The following PCDHGA2 variants were observed in gnomAD, a reference collection of about 807,000 sequenced individuals.
PCDHGA2 encodes the protein protocadherin gamma subfamily A, 2, also known as protocadherin gamma-A2.
In PCDHGA2, 40 loss-of-function variants were observed where a neutral mutation model predicts 59.2. The observed-to-expected ratio is 0.68, with a 90% CI of 0.52 to 0.88. The LOEUF (loss-of-function observed/expected upper bound fraction) is 0.88. Ranked by LOEUF, PCDHGA2 falls within the 40% of genes least tolerant of loss-of-function variation. PCDHGA2 has a pLI of 0.00. For synonymous variants in PCDHGA2, 560 were observed against 526.0 expected (o/e 1.06, Z -0.89); for missense variants, 1,226 against 1,204.0 (o/e 1.02, Z -0.27).
At chr5:141,414,678 G>A (rs1276367800) in intron 1 of PCDHGA2, 14 of 1,613,856 alleles carry the variant, frequency 8.7e-6, no homozygotes, top group African/African-American at 1.3e-5. Context: ...ACACCATCCA[G>A]GGGGTACCTC....
intron 3 of PCDHGA2, 88 bp from the exon 4 acceptor site, chr5:141,510,859 A>G: frequency 6.2e-7 from 1 of 1,606,096 alleles, no homozygotes; most frequent in Non-Finnish European, 8.5e-7. Context: ...GGTGCTGTAT[A>G]GGCATTCATT....
At chr5:141,366,757 T>C in intron 1 of PCDHGA2, 1 of 1,606,518 alleles carries the variant, frequency 6.2e-7, no homozygotes, top group African/African-American at 1.3e-5. Context: ...TTCAGGTTAG[T>C]TTTCTCTTTC....
Position 141,415,740 on chromosome 5 carries a change from G to GTTTTTTTTTTTTTTT in PCDHGA2, c.2424+74363_2424+74377dup, listed in dbSNP as rs57426385. 67 of 625,038 alleles carry GTTTTTTTTTTTTTTT rather than the reference G, an allele frequency of 1.1e-4. 1 individual carries two copies. Among genetic ancestry groups the GTTTTTTTTTTTTTTT allele is most frequent in the African/African-American group, 2.5e-4 (10 of 39,932 alleles). The allele number at this position is 625,038 out of a possible 1,614,324, so 38.7% of individuals were successfully genotyped here. A position where few individuals can be genotyped will look rare whatever the true frequency, so the allele number is the denominator to read the frequency against. ...TGAGTAGAATTTGATGTTTATTAAG[G>GTTTTTTTTTTTTTTT]TTTTTTTTTTTTTTTTTTTTTTTTT... On this transcript the variant is annotated intron_variant, in intron 1 of 3. Coordinates refer to ENST00000394576, the MANE Select transcript of PCDHGA2 (RefSeq NM_018915.4).
intron 1 of PCDHGA2, chr5:141,392,892 G>A (rs2092623669): frequency 6.2e-7 from 1 of 1,613,702 alleles, no homozygotes; most frequent in Non-Finnish European, 8.5e-7. Context: ...GTGGGAAATC[G>A]GGAGGGGACA....
At chr5:141,454,471 A>C (rs774315258) in intron 1 of PCDHGA2, among the ~76,000 whole-genome samples, 7 of 152,198 alleles carry the variant, frequency 4.6e-5, no homozygotes, top group Non-Finnish European at 7.3e-5. Context: ...CAATGGCATG[A>C]TCTCAGCTCA....
At chr5:141,415,747 T>G (rs774746065) in intron 1 of PCDHGA2, 22 of 797,580 alleles carry the variant, frequency 2.8e-5, no homozygotes, top group Middle Eastern at 5.1e-4. Context: ...AAGGTTTTTT[T>G]TTTTTTTTTT....
Position 141,384,300 on chromosome 5 carries a change from AG to A in PCDHGA2, c.2424+42909del, listed in dbSNP as rs751826409. The A allele has an allele frequency of 3.1e-6, 5 of 1,613,658 alleles. No homozygotes were observed. In the Admixed American group the frequency reaches 8.3e-5, roughly 27 times the overall value. On this transcript the variant is annotated intron_variant, in intron 1 of 3. Transcript: ENST00000394576. ...TCTACATCGCTGAGAACAACCCCAG[AG>A]GGGCCTCCATTTTCTTAGTGACTGC...
In PCDHGA2 at chr5:141,357,058, G is replaced by A. The variant is rs1167854077; in HGVS notation, c.2424+15663G>A. 1 of 1,613,998 alleles carries A rather than the reference G, an allele frequency of 6.2e-7. No homozygotes were observed. The highest frequency in any genetic ancestry group is 1.7e-5 in the Admixed American group (1 of 60,028). On this transcript the variant is annotated intron_variant, in intron 1 of 3. Transcript: ENST00000394576. ...CAGCGAGCCGGGACTATTTGCAGTGGGGCTGCACACAGGCGAGGTGCGCAC... is the reference window on the plus strand; with the variant it reads ...CAGCGAGCCGGGACTATTTGCAGTGAGGCTGCACACAGGCGAGGTGCGCAC...
chr5:141,409,256 C>G (rs1212394349), intron 1 of PCDHGA2: 2 of 1,613,918 alleles, frequency 1.2e-6, no homozygotes, highest in African/African-American at 2.7e-5. Context: ...CATCACTTCT[C>G]TCTCTGATCA....
At chr5:141,460,741 A>G (rs1378900827) in intron 1 of PCDHGA2, among the ~76,000 whole-genome samples, 1 of 152,128 alleles carries the variant, frequency 6.6e-6, no homozygotes, top group Non-Finnish European at 1.5e-5. Flanking sequence ...CACATTGTAT[A>G]TATATGTGTA....
At chr5:141,360,214 G>A in intron 1 of PCDHGA2, 7 of 1,613,376 alleles carry the variant, frequency 4.3e-6, no homozygotes, top group Non-Finnish European at 5.9e-6. Flanking sequence ...TTTGTTCCCC[G>A]GGGCTCTCCC....
chr5:141,404,875 C>T, intron 1 of PCDHGA2: 1 of 1,613,904 alleles, frequency 6.2e-7, no homozygotes, highest in Non-Finnish European at 8.5e-7. Flanking sequence ...TCAAACAGAG[C>T]CTTGTGGTGG....
chr5:141,487,826 T>C lies in PCDHGA2; in HGVS notation c.2425-6981T>C, dbSNP rs1321152837. 24 of 1,187,814 alleles carry C rather than the reference T, an allele frequency of 2.0e-5. No homozygotes were observed. The highest frequency in any genetic ancestry group is 2.8e-5 in the Non-Finnish European group (24 of 856,356). The allele number at this position is 1,187,814 out of a possible 1,614,324, so 73.6% of individuals were successfully genotyped here. On this transcript the variant is annotated intron_variant, in intron 1 of 3. Coordinates refer to ENST00000394576, the MANE Select transcript of PCDHGA2 (RefSeq NM_018915.4). The surrounding 1 kb of genome is among the most constrained non-coding windows in gnomAD (Gnocchi z 5.0). ...ACAGTTTAGCATTGGGGGCGGGTCA[T>C]GCCTATATCTGAGTAAGAAATGAAA... is the stretch of plus-strand genomic sequence containing the variant.
intron 1 of PCDHGA2, among the ~76,000 whole-genome samples, chr5:141,444,885 T>C (rs547403761): frequency 6.6e-6 from 1 of 152,320 alleles, no homozygotes; most frequent in African/African-American, 2.4e-5. Flanking sequence ...TGTAGGATTT[T>C]TGAATGGGAT....
intron 1 of PCDHGA2, chr5:141,396,067 T>C (rs924469652): frequency 6.6e-6 from 1 of 152,222 alleles, no homozygotes; most frequent in African/African-American, 2.4e-5. Context: ...GCTGTTTCGG[T>C]TGTGCATTGA....
chr5:141,367,112 C>G (rs1261391060), intron 1 of PCDHGA2: 1 of 221,008 alleles, frequency 4.5e-6, no homozygotes, highest in South Asian at 7.2e-5. Context: ...GCCTAGACAC[C>G]ATTAGTGAAT....
At chr5:141,362,475 C>T (rs377414044) in intron 1 of PCDHGA2, 12 of 1,613,908 alleles carry the variant, frequency 7.4e-6, no homozygotes, top group African/African-American at 1.3e-5. Flanking sequence ...CGCAAGATCT[C>T]GTCTGTGACA....
intron 1 of PCDHGA2, chr5:141,389,528 G>A (rs200792478): frequency 1.2e-6 from 2 of 1,613,210 alleles, no homozygotes; most frequent in East Asian, 2.2e-5. Context: ...GCCTGCGCGT[G>A]TTAGTGGACG....
intron 1 of PCDHGA2, among the ~76,000 whole-genome samples, chr5:141,358,638 TAAGTAGATTC>T (rs936641490): frequency 2.8e-4 from 42 of 152,294 alleles, no homozygotes; most frequent in African/African-American, 9.4e-4. Context: ...CAGTCATATA[TAAGTAGATTC>T]TAGGAGTAAC....
Sources: gnomAD v4.1 joint callset for allele counts (sites outside exome capture counted in the v4.1 genomes callset) on GRCh38, gnomAD v4.1.1 for gene constraint, Gnocchi (gnomAD v3.1) non-coding constraint, MANE v1.5 for transcripts, NCBI Gene and HGNC (gene_info 2026-07-23, HGNC 2026-07-21) for gene names.